EPHA6: variants seen among roughly 807,000 people sequenced by gnomAD.
The protein encoded by EPHA6 is ephrin type-A receptor 6.
A neutral mutation model predicts 112.0 loss-of-function variants in EPHA6; 50 were observed. That is an observed-to-expected ratio of 0.45 (90% CI 0.36 to 0.56). EPHA6 has a LOEUF of 0.56. Among genes scored for constraint, EPHA6 ranks in the 20% least tolerant of loss-of-function variants. The probability of loss-of-function intolerance (pLI) is 0.00; values close to 1 mark genes in which losing one functional copy is unlikely to be tolerated. For missense variants in EPHA6, 1,280 were observed against 1,417.4 expected, an observed-to-expected ratio of 0.90 and a Z score of 1.56; for synonymous variants, 529 against 490.7, an observed-to-expected ratio of 1.08 and a Z score of -1.03.
intron 2 of EPHA6, among the ~76,000 whole-genome samples, chr3:96,917,797 A>C (rs2039563277): frequency 6.6e-6 from 1 of 152,126 alleles, no homozygotes; most frequent in Non-Finnish European, 1.5e-5. Flanking sequence ...AATAAAAATG[A>C]CAGCCTCCCC....
chr3:96,897,001 T>C (rs1175073349), intron 2 of EPHA6, among the ~76,000 whole-genome samples: 1 of 152,172 alleles, frequency 6.6e-6, no homozygotes, highest in Non-Finnish European at 1.5e-5. Context: ...TTTGGTGTTA[T>C]TGTAATAAAA....
intron 3 of EPHA6, among the ~76,000 whole-genome samples, chr3:97,159,258 A>C (rs1335350310): frequency 6.6e-6 from 1 of 152,152 alleles, no homozygotes; most frequent in Non-Finnish European, 1.5e-5. Flanking sequence ...AGTCAGGATC[A>C]ATCCCTCCAG....
chr3:97,648,150 T>G (rs1413149749), intron 14 of EPHA6: 3 of 438,090 alleles, frequency 6.8e-6, no homozygotes, highest in Non-Finnish European at 1.2e-5. Context: ...CATGGCAAAT[T>G]TTGGTTTTGT....
At chr3:97,440,115 A>G (rs1267377372) in intron 6 of EPHA6, among the ~76,000 whole-genome samples, 1 of 152,140 alleles carries the variant, frequency 6.6e-6, no homozygotes, top group Non-Finnish European at 1.5e-5. Flanking sequence ...TGCACATTCA[A>G]TAAGTAGAGG....
At chr3:97,471,310 T>C (rs1225596721) in intron 7 of EPHA6, among the ~76,000 whole-genome samples, 1 of 151,714 alleles carries the variant, frequency 6.6e-6, no homozygotes, top group Non-Finnish European at 1.5e-5. Flanking sequence ...TCCAACACCA[T>C]TCAGTTTCCC....
At chr3:97,231,778 A>G (rs1478036610) in intron 4 of EPHA6, among the ~76,000 whole-genome samples, 1 of 152,204 alleles carries the variant, frequency 6.6e-6, no homozygotes, top group African/African-American at 2.4e-5. Flanking sequence ...GGTAATCCCT[A>G]GGAGCTGCCC....
At chr3:97,358,635 T>C (rs1360562061) in intron 5 of EPHA6, among the ~76,000 whole-genome samples, 1 of 152,116 alleles carries the variant, frequency 6.6e-6, no homozygotes, top group Admixed American at 6.6e-5. Flanking sequence ...GCACATGTAT[T>C]TACTTTTATT....
rs1034542594 is a variant in EPHA6 at position 96,990,016 on chromosome 3, C to T, written c.1114+2023C>T. 5.3e-5 allele frequency among the ~76,000 whole-genome samples: 8 copies of T among 152,080 alleles called. No individual in the cohort carries two copies. The East Asian group carries it at 1.5e-3, about 29-fold the overall frequency. Reference sequence around the variant, plus strand: ...AACCATGTAGTGTTTTTGGTACAGACATGTAATATGTGTAATAATCACATC... The same window carrying T: ...AACCATGTAGTGTTTTTGGTACAGATATGTAATATGTGTAATAATCACATC... On this transcript the variant is annotated intron_variant, in intron 3 of 17. Transcript: ENST00000389672.
rs368761631 is a variant in EPHA6, at chr3:97,018,082, T to C, written c.1114+30089T>C. Among the ~76,000 whole-genome samples the C allele has an allele frequency of 8.6e-5, 13 of 151,784 alleles. 2 individuals are homozygous for C. The highest frequency in any genetic ancestry group is 2.9e-4 in the African/African-American group (12 of 41,414). On this transcript the variant is annotated intron_variant, in intron 3 of 17. Transcript: ENST00000389672. ...CAAACCTGCTATTGAAAGACTCTGA[T>C]ACATTCTTCATTTGTCCATCACATT...
At chr3:96,907,522 A>C (rs776650829) in intron 2 of EPHA6, among the ~76,000 whole-genome samples, 1 of 151,492 alleles carries the variant, frequency 6.6e-6, no homozygotes. Flanking sequence ...TAATTGCCTT[A>C]GTTTTATTTA....
At chr3:97,367,354 A>G (rs2084793716) in intron 5 of EPHA6, among the ~76,000 whole-genome samples, 1 of 152,244 alleles carries the variant, frequency 6.6e-6, no homozygotes, top group African/African-American at 2.4e-5. Flanking sequence ...CTGCAGCCGT[A>G]TTGGAGAGAA....
In EPHA6 at chr3:97,348,833, T is replaced by C. The variant is rs1262960408; in HGVS notation, c.1607-56317T>C. 2.0e-5 allele frequency among the ~76,000 whole-genome samples: 3 copies of C among 152,070 alleles called. No individual in the cohort carries two copies. In the East Asian group the frequency reaches 5.8e-4, roughly 29 times the overall value. ...TCAGATGAGTAATCATAGGTGTTTT[T>C]ATTCCATGCAACAGGGAGTAGTAAT... is the stretch of plus-strand genomic sequence containing the variant. On this transcript the variant is annotated intron_variant, in intron 5 of 17. Coordinates refer to ENST00000389672, the MANE Select transcript of EPHA6 (RefSeq NM_001080448.3).
intron 3 of EPHA6, among the ~76,000 whole-genome samples, chr3:97,224,724 T>C (rs890353917): frequency 6.6e-6 from 1 of 152,084 alleles, no homozygotes; most frequent in Non-Finnish European, 1.5e-5. Flanking sequence ...AAAAAACCTT[T>C]TAAATAATAT....
intron 2 of EPHA6, among the ~76,000 whole-genome samples, chr3:96,968,893 T>C (rs898580431): frequency 6.6e-6 from 1 of 151,920 alleles, no homozygotes; most frequent in African/African-American, 2.4e-5. Flanking sequence ...GTAGGGTAAG[T>C]TTATTATGCT....
At chr3:96,965,728 A>G (rs2042101145) in intron 2 of EPHA6, among the ~76,000 whole-genome samples, 3 of 152,116 alleles carry the variant, frequency 2.0e-5, no homozygotes, top group Admixed American at 1.3e-4. Flanking sequence ...AGTTTTATCC[A>G]GCCCTCGTTC....
chr3:96,972,855 A>C (rs749845274), intron 2 of EPHA6, among the ~76,000 whole-genome samples: 9 of 152,216 alleles, frequency 5.9e-5, no homozygotes, highest in Non-Finnish European at 1.3e-4. Context: ...GATTTTGGAA[A>C]TAAAAGTTTA....
intron 1 of EPHA6, among the ~76,000 whole-genome samples, chr3:96,860,401 T>C (rs1015113378): frequency 2.0e-5 from 3 of 152,126 alleles, no homozygotes; most frequent in Non-Finnish European, 4.4e-5. Flanking sequence ...TTTTAGACCT[T>C]TCTTCCATTA....
chr3:97,707,724 T>G (rs953120698), intron 14 of EPHA6, among the ~76,000 whole-genome samples: 3 of 152,142 alleles, frequency 2.0e-5, no homozygotes, highest in African/African-American at 7.2e-5. Context: ...TCCCCACACG[T>G]CGAGGGAGGG....
intron 3 of EPHA6, among the ~76,000 whole-genome samples, chr3:97,192,449 A>G (rs1452032819): frequency 6.6e-6 from 1 of 151,986 alleles, no homozygotes; most frequent in Non-Finnish European, 1.5e-5. Flanking sequence ...CTACTTAGAT[A>G]TTTTGCCCAT....
Sources: gnomAD v4.1 joint callset for allele counts (sites outside exome capture counted in the v4.1 genomes callset) on GRCh38, gnomAD v4.1.1 for gene constraint, MANE v1.5 for transcripts, NCBI Gene and HGNC (gene_info 2026-07-23, HGNC 2026-07-21) for gene names.